Variants in NWD1 observed in about 807,000 individuals in gnomAD.
NWD1 encodes NACHT domain- and WD repeat-containing protein 1.
A neutral mutation model predicts 135.1 loss-of-function variants in NWD1; 129 were observed. That is an observed-to-expected ratio of 0.96 (90% confidence interval 0.83 to 1.11). The LOEUF (loss-of-function observed/expected upper bound fraction) is 1.11, where lower values mean the gene tolerates loss of function less well. Ranked by LOEUF, NWD1 falls within the 50% of genes least tolerant of loss-of-function variation. The probability of loss-of-function intolerance (pLI) is 0.00; values close to 1 mark genes in which losing one functional copy is unlikely to be tolerated. For missense variants in NWD1, 1,740 were observed against 1,851.3 expected (o/e 0.94, Z 1.10); for synonymous variants, 773 against 786.0 (o/e 0.98, Z 0.28).
intron 10 of NWD1, among the ~76,000 whole-genome samples, chr19:16,771,226 C>A (rs1257500007): frequency 6.6e-6 from 1 of 152,146 alleles, no homozygotes; most frequent in Non-Finnish European, 1.5e-5. Flanking sequence ...CCGAGGCAGG[C>A]AGATTGCTTG....
At position 16,731,988 on chromosome 19, in the gene NWD1, G is replaced by A. The variant is rs377141345; in HGVS notation, c.81+710G>A. On this transcript the variant is annotated intron_variant, in intron 3 of 18. Transcript: ENST00000524140. ...TCCCAGCACTTTGGGAGGCAAAGGC[G>A]GGCAGATCGCTTGAGGTCAGAAACT... 1.6e-4 allele frequency among the ~76,000 whole-genome samples: 24 copies of A among 151,910 alleles called. No individual in the cohort carries two copies. In the South Asian group the frequency reaches 4.8e-3, roughly 30 times the overall value.
At chr19:16,734,877 T>G (rs939941390) in intron 3 of NWD1, among the ~76,000 whole-genome samples, 1 of 152,120 alleles carries the variant, frequency 6.6e-6, no homozygotes, top group African/African-American at 2.4e-5. Flanking sequence ...TAAGCCACTT[T>G]GCCCTGCCTC....
Position 16,749,970 on chromosome 19 carries a change from A to G in NWD1, c.1328A>G (p.Asp443Gly), listed in dbSNP as rs913960492. 6.2e-7 allele frequency: 1 copy of G among 1,613,498 alleles called. No individual in the cohort carries two copies. Among genetic ancestry groups the G allele is most frequent in the Non-Finnish European group, 8.5e-7 (1 of 1,179,926 alleles). ...CTGCTGGATGCTATGGATGACCTGGACTCTGTCCGCCATGCTCGGAGGGTT... is the reference window on the plus strand; with the variant it reads ...CTGCTGGATGCTATGGATGACCTGGGCTCTGTCCGCCATGCTCGGAGGGTT... Reference protein sequence around the residue: ...VLLLDAMDDLDSVRHARRVPW... With the variant: ...VLLLDAMDDLGSVRHARRVPW... The change falls in exon 6 of 19, where the codon GAC becomes GGC. Residue 443 changes from aspartate to glycine, a missense_variant. By Grantham distance (94) the Asp-to-Gly change is moderately conservative. Coordinates refer to ENST00000524140, the MANE Select transcript of NWD1 (RefSeq NM_001007525.5).
chr19:16,755,757 C>G (rs1968769190), intron 6 of NWD1, among the ~76,000 whole-genome samples: 1 of 150,626 alleles, frequency 6.6e-6, no homozygotes, highest in South Asian at 2.1e-4. Context: ...AGGCTGCTCT[C>G]AAACTCCTGG....
chr19:16,750,167 G>C lies in NWD1; in HGVS notation c.1525G>C (p.Ala509Pro), dbSNP rs1968514773. The change falls in exon 6 of 19, where the codon GCA becomes CCA. Residue 509 changes from alanine (A) to proline (P), a missense_variant. Ala to Pro is a conservative substitution (Grantham distance 27). Coordinates refer to ENST00000524140, the MANE Select transcript of NWD1 (RefSeq NM_001007525.5). The part of the protein sequence containing the change: ...QGQQMIQLLL[A>P]AARRTLSPVH... The stretch of plus-strand genomic sequence containing the variant: ...CCAGCAGATGATCCAACTCCTGCTG[G>C]CAGCTGCAAGGAGGACGCTGAGCCC... 2 of 1,613,624 alleles carry C rather than the reference G, an allele frequency of 1.2e-6. No individual in the cohort carries two copies. Among genetic ancestry groups the C allele is most frequent in the Non-Finnish European group, 8.5e-7 (1 of 1,179,876 alleles).
rs535441290 is a variant in NWD1, at chr19:16,817,494, T to G, written c.*2455T>G. ...ACGTACACCTGTAATTCCAGCTACT[T>G]GGGAGGCTGAGGCAGGAGAATGGCT... On this transcript the variant is annotated 3_prime_UTR_variant, in exon 19 of 19. Transcript: ENST00000524140. 7.5e-6 allele frequency: 1 copy of G among 133,324 alleles called. No homozygotes were observed. Among genetic ancestry groups the G allele is most frequent in the Non-Finnish European group, 1.6e-5 (1 of 63,130 alleles). 8.3% of individuals were successfully genotyped at this position (133,324 alleles called of 1,614,324 possible). A position where few individuals can be genotyped will look rare whatever the true frequency, so the allele number is the denominator to read the frequency against.
intron 17 of NWD1, among the ~76,000 whole-genome samples, chr19:16,804,527 CA>C (rs1158262622): frequency 6.6e-6 from 1 of 151,150 alleles, no homozygotes; most frequent in Non-Finnish European, 1.5e-5. Flanking sequence ...CCGTGGAGTT[CA>C]AGGCTGCAGT....
At chr19:16,798,029 G>C (rs2123089450) in intron 16 of NWD1, 143 bp downstream of exon 16, 2 of 718,662 alleles carry the variant, frequency 2.8e-6, no homozygotes, top group East Asian at 5.2e-5. Flanking sequence ...AGGATATGGG[G>C]GTGTATCCTC....
chr19:16,752,889 C>A (rs530956525), intron 6 of NWD1, among the ~76,000 whole-genome samples: 3 of 152,222 alleles, frequency 2.0e-5, no homozygotes, highest in African/African-American at 7.2e-5. Flanking sequence ...GTCCCAGCTA[C>A]TCGGGAGGCT....
At position 16,759,548 on chromosome 19, in the gene NWD1, C is replaced by T. The variant is rs943242172; in HGVS notation, c.1973+120C>T. 2.2e-5 allele frequency: 16 copies of T among 713,026 alleles called. No individual in the cohort carries two copies. In the African/African-American group the frequency reaches 2.8e-4, roughly 13 times the overall value. The allele number at this position is 713,026 out of a possible 1,614,324, so 44.2% of individuals were successfully genotyped here. ...ACTTACCATTCCCAGGGAATCAAGT[C>T]CAGTTAGAACTCTGACACAATTCAC... On this transcript the variant is annotated intron_variant, in intron 7 of 18. Transcript: ENST00000524140.
At position 16,749,992 on chromosome 19, in the gene NWD1, G is replaced by T. The variant is rs576075443; in HGVS notation, c.1350G>T (p.Arg450Ser). Residue 450 changes from arginine to serine, a missense_variant, in exon 6 of 19, where the codon AGG becomes AGT. Coordinates refer to ENST00000524140, the MANE Select transcript of NWD1 (RefSeq NM_001007525.5). ...DDLDSVRHARRVPWLPLNCPP... is the reference protein window; with the variant it reads ...DDLDSVRHARSVPWLPLNCPP... Reference sequence around the variant, plus strand: ...TGGACTCTGTCCGCCATGCTCGGAGGGTTCCCTGGCTGCCTCTCAACTGCC... The same window carrying T: ...TGGACTCTGTCCGCCATGCTCGGAGTGTTCCCTGGCTGCCTCTCAACTGCC... 5 of 1,613,874 alleles carry T rather than the reference G, an allele frequency of 3.1e-6. No homozygotes were observed. In the South Asian group the frequency reaches 5.5e-5, roughly 18 times the overall value.
At chr19:16,772,438 T>A (rs1057264836) in intron 10 of NWD1, among the ~76,000 whole-genome samples, 10 of 152,026 alleles carry the variant, frequency 6.6e-5, no homozygotes, top group African/African-American at 2.2e-4. Context: ...GGCAGGTGGA[T>A]CACTTGAGGT....
At chr19:16,747,636 G>T (rs1453843009) in intron 5 of NWD1, among the ~76,000 whole-genome samples, 1 of 152,050 alleles carries the variant, frequency 6.6e-6, no homozygotes, top group Non-Finnish European at 1.5e-5. Context: ...GCCTCCCAAA[G>T]TGCTGAGATT....
At chr19:16,784,463 AG>A (rs1279426856) in intron 12 of NWD1, among the ~76,000 whole-genome samples, 4 of 152,212 alleles carry the variant, frequency 2.6e-5, no homozygotes, top group Admixed American at 2.6e-4. Flanking sequence ...AAGGCACTGG[AG>A]CATCTGTGGA....
chr19:16,744,017 C>G (rs1403129985), intron 4 of NWD1, among the ~76,000 whole-genome samples: 1 of 152,010 alleles, frequency 6.6e-6, no homozygotes, highest in Non-Finnish European at 1.5e-5. Flanking sequence ...TTTTACATGG[C>G]ATAAGAACCC....
intron 2 of NWD1, among the ~76,000 whole-genome samples, chr19:16,729,818 G>A (rs1465082518): frequency 6.6e-6 from 1 of 151,546 alleles, no homozygotes; most frequent in African/African-American, 2.4e-5. Flanking sequence ...GCAGTGAGCC[G>A]AGATTGTGCC....
chr19:16,784,854 G>C (rs1400960860), intron 12 of NWD1, among the ~76,000 whole-genome samples: 2 of 150,222 alleles, frequency 1.3e-5, no homozygotes, highest in African/African-American at 2.5e-5. Flanking sequence ...ACTTGAACCC[G>C]GGGGGCGGAG....
At chr19:16,746,566 G>A (rs529762699) in intron 5 of NWD1, among the ~76,000 whole-genome samples, 40 of 151,984 alleles carry the variant, frequency 2.6e-4, no homozygotes, top group African/African-American at 9.4e-4. Context: ...CCAGCTACTC[G>A]GGAGGCTGAG....
At chr19:16,725,800 A>G (rs1330446295) in intron 2 of NWD1, among the ~76,000 whole-genome samples, 4 of 151,552 alleles carry the variant, frequency 2.6e-5, no homozygotes, top group Non-Finnish European at 1.5e-5. Flanking sequence ...TGATCCATCT[A>G]CCTTGGCCTC....
Sources: gnomAD v4.1 joint callset for allele counts (sites outside exome capture counted in the v4.1 genomes callset) on GRCh38, gnomAD v4.1.1 for gene constraint, MANE v1.5 for transcripts, NCBI Gene and HGNC (gene_info 2026-07-23, HGNC 2026-07-21) for gene names.